The following HIP1 variants were observed in gnomAD, a reference collection of about 807,000 sequenced individuals.
HIP1 encodes the protein huntingtin-interacting protein 1.
HIP1 carries 65 observed loss-of-function variants against 147.6 expected under a neutral mutation model. The ratio of observed to expected loss-of-function variants is 0.44; its 90% CI spans 0.36 to 0.54. The LOEUF is 0.54. Among genes scored for constraint, HIP1 ranks in the 20% least tolerant of loss-of-function variants. HIP1 has a pLI of 0.00. For missense variants in HIP1, 1,061 were observed against 1,299.6 expected, an observed-to-expected ratio of 0.82 and a Z score of 2.82; for synonymous variants, 479 against 504.0, an observed-to-expected ratio of 0.95 and a Z score of 0.67.
At chr7:75,635,548 A>AGCCT (rs1457117614) in intron 1 of HIP1, among the ~76,000 whole-genome samples, 1 of 145,864 alleles carries the variant, frequency 6.9e-6, no homozygotes, top group Non-Finnish European at 1.5e-5. Context: ...ACTGCACTCC[A>AGCCT]GCCTGGGTGA....
intron 1 of HIP1, among the ~76,000 whole-genome samples, chr7:75,634,602 A>C (rs1304782258): frequency 6.6e-6 from 1 of 152,018 alleles, no homozygotes; most frequent in South Asian, 2.1e-4. Flanking sequence ...TGCCTTCCTC[A>C]TGGGGTTGCA....
chr7:75,666,421 C>T (rs782820477), intron 1 of HIP1, among the ~76,000 whole-genome samples: 2 of 152,116 alleles, frequency 1.3e-5, no homozygotes, highest in Non-Finnish European at 2.9e-5. Flanking sequence ...CCACCCACCT[C>T]GGCCTCCCAA....
At chr7:75,547,450 TA>T (rs1409413371) in intron 24 of HIP1, among the ~76,000 whole-genome samples, 1 of 152,126 alleles carries the variant, frequency 6.6e-6, no homozygotes. Context: ...GTATTTTTAG[TA>T]AAGATGACTT....
intron 1 of HIP1, among the ~76,000 whole-genome samples, chr7:75,659,838 A>G (rs1799250745): frequency 6.6e-6 from 1 of 152,000 alleles, no homozygotes; most frequent in Non-Finnish European, 1.5e-5. Context: ...AAAATAACTC[A>G]GGTTCTGGCC....
chr7:75,732,130 C>T (rs1251258370), intron 1 of HIP1, among the ~76,000 whole-genome samples: 4 of 152,072 alleles, frequency 2.6e-5, no homozygotes, highest in African/African-American at 4.8e-5. Flanking sequence ...CCTGGCTTCT[C>T]GGTTCACTCG....
rs587735430 is a variant in HIP1 at position 75,558,215 on chromosome 7, C to T, written c.1416G>A (p.Lys472=). 5.6e-6 allele frequency: 9 copies of T among 1,614,216 alleles called. No individual in the cohort carries two copies. The African/African-American group carries it at 1.2e-4, about 22-fold the overall frequency. Residue 472 remains lysine, a synonymous_variant, in exon 15 of 31, where the codon AAG becomes AAA. Coordinates refer to ENST00000336926, the MANE Select transcript of HIP1 (RefSeq NM_005338.7). The part of the protein sequence containing the change: ...QANEQRYSKL[K]EKYSELVQNH... Reference sequence around the variant, plus strand: ...TCTGAACCAGCTCGCTGTACTTCTCCTTTAGCTTGCTATATCGCTGTTCAT... The same window carrying T: ...TCTGAACCAGCTCGCTGTACTTCTCTTTTAGCTTGCTATATCGCTGTTCAT...
At chr7:75,668,714 G>A (rs10267525) in intron 1 of HIP1, among the ~76,000 whole-genome samples, 106,260 of 152,062 alleles carry the variant, frequency 0.7, 37,464 homozygotes, top group African/African-American at 0.78. Flanking sequence ...ACCAACTGCA[G>A]CATCTGCAAC....
At chr7:75,672,712 A>G (rs1363969541) in intron 1 of HIP1, among the ~76,000 whole-genome samples, 4 of 152,170 alleles carry the variant, frequency 2.6e-5, no homozygotes, top group African/African-American at 9.6e-5. Flanking sequence ...TTGGTTGTTC[A>G]AGCTTTTGAT....
At chr7:75,645,619 G>T (rs1554511043) in intron 1 of HIP1, among the ~76,000 whole-genome samples, 1 of 152,114 alleles carries the variant, frequency 6.6e-6, no homozygotes, top group African/African-American at 2.4e-5. Context: ...AGATCATTCT[G>T]CCAAAAAGAC....
chr7:75,708,976 C>T (rs1205216549), intron 1 of HIP1, among the ~76,000 whole-genome samples: 2 of 151,998 alleles, frequency 1.3e-5, no homozygotes, highest in African/African-American at 4.8e-5. Context: ...ATCTTCCAAT[C>T]CATGAACATG....
intron 1 of HIP1, among the ~76,000 whole-genome samples, chr7:75,716,860 T>C (rs1167780791): frequency 2.0e-5 from 3 of 150,504 alleles, no homozygotes; most frequent in African/African-American, 7.4e-5. Flanking sequence ...TGTCACTCAG[T>C]CTGGAGTGCA....
chr7:75,679,657 C>T (rs1157989742), intron 1 of HIP1, among the ~76,000 whole-genome samples: 1 of 127,904 alleles, frequency 7.8e-6, no homozygotes, highest in Non-Finnish European at 1.6e-5. Flanking sequence ...TTCCTGGTTT[C>T]CCTCCTTTCT....
chr7:75,692,408 C>T (rs566287483), intron 1 of HIP1, among the ~76,000 whole-genome samples: 1 of 145,482 alleles, frequency 6.9e-6, no homozygotes, highest in African/African-American at 2.6e-5. Context: ...TACAGGCACA[C>T]ACTGCCATAC....
intron 1 of HIP1, among the ~76,000 whole-genome samples, chr7:75,644,800 G>A (rs1467551318): frequency 2.0e-5 from 3 of 152,120 alleles, no homozygotes; most frequent in East Asian, 3.8e-4. Context: ...CCATGGGAAC[G>A]CCTGCAAGCA....
chr7:75,738,210 C>G (rs1288315584), intron 1 of HIP1, among the ~76,000 whole-genome samples: 1 of 152,074 alleles, frequency 6.6e-6, no homozygotes, highest in Non-Finnish European at 1.5e-5. Context: ...TTTGCATTTC[C>G]TACATTCCTT....
intron 1 of HIP1, among the ~76,000 whole-genome samples, chr7:75,632,042 C>A (rs956236984): frequency 6.6e-6 from 1 of 152,176 alleles, no homozygotes; most frequent in Non-Finnish European, 1.5e-5. Context: ...CTCGGAGGGG[C>A]CTCCGAAGAC....
chr7:75,735,739 G>A (rs190173832), intron 1 of HIP1, among the ~76,000 whole-genome samples: 46 of 150,806 alleles, frequency 3.1e-4, no homozygotes, highest in Admixed American at 2.7e-3. Context: ...TGCCCAGGCC[G>A]GAATGCAGTG....
chr7:75,605,848 T>C (rs1217329953), intron 1 of HIP1, among the ~76,000 whole-genome samples: 1 of 152,082 alleles, frequency 6.6e-6, no homozygotes, highest in Non-Finnish European at 1.5e-5. Flanking sequence ...TTTTATTTAA[T>C]CAATTATTAT....
At chr7:75,591,016 T>C (rs1796483270) in intron 4 of HIP1, among the ~76,000 whole-genome samples, 1 of 151,566 alleles carries the variant, frequency 6.6e-6, no homozygotes, top group Admixed American at 6.6e-5. Flanking sequence ...AAAGAACATA[T>C]CAGAATCAAC....
Sources: allele counts gnomAD v4.1 joint callset (sites outside exome capture counted in the v4.1 genomes callset), GRCh38; gene constraint gnomAD v4.1.1; transcripts MANE v1.5; gene names NCBI Gene and HGNC (gene_info 2026-07-23, HGNC 2026-07-21).